The following DPYSL3 variants were observed in gnomAD, a reference collection of about 807,000 sequenced individuals.
DPYSL3 encodes the protein dihydropyrimidinase like 3.
Under a neutral mutation model 66.1 loss-of-function variants are expected in DPYSL3, and 16 were observed. The observed-to-expected ratio is 0.24, with a 90% confidence interval of 0.16 to 0.37. The LOEUF is 0.37. Among genes scored for constraint, DPYSL3 ranks in the 10% least tolerant of loss-of-function variants. DPYSL3 has a pLI of 1.00. For missense variants in DPYSL3, 738 were observed against 916.2 expected, an observed-to-expected ratio of 0.81 and a Z score of 2.51; for synonymous variants, 338 against 345.1, an observed-to-expected ratio of 0.98 and a Z score of 0.23.
chr5:147,394,129 G>A lies in DPYSL3; in HGVS notation c.1967-6C>T. 1 of 1,613,464 alleles carries A rather than the reference G, an allele frequency of 6.2e-7. No individual in the cohort carries two copies. The highest frequency in any genetic ancestry group is 8.5e-7 in the Non-Finnish European group (1 of 1,179,850). On this transcript the variant is annotated splice_polypyrimidine_tract_variant and splice_region_variant and intron_variant, in intron 13 of 13. Transcript: ENST00000343218. ...CCCCTCATCCACTTGGGTGCCTACA[G>A]TTGGAAATAAATTCCCAGGGGGAAA...
intron 1 of DPYSL3, chr5:147,453,404 C>T (rs943096739): frequency 7.8e-7 from 1 of 1,276,508 alleles, no homozygotes; most frequent in Non-Finnish European, 1.0e-6. Context: ...GGACTGACCG[C>T]CGCGCTCCGC....
At chr5:147,474,048 A>G (rs2126426677) in intron 1 of DPYSL3, among the ~76,000 whole-genome samples, 1 of 152,222 alleles carries the variant, frequency 6.6e-6, no homozygotes, top group African/African-American at 2.4e-5. Flanking sequence ...CTGGCTACAT[A>G]AAATACTTGC....
chr5:147,432,306 G>C (rs915491853), intron 1 of DPYSL3, among the ~76,000 whole-genome samples: 1 of 152,226 alleles, frequency 6.6e-6, no homozygotes, highest in Admixed American at 6.5e-5. Flanking sequence ...ACAGCAATGT[G>C]GAGGCAGCAG....
intron 1 of DPYSL3, among the ~76,000 whole-genome samples, chr5:147,503,675 T>C (rs1201034057): frequency 6.6e-6 from 1 of 152,206 alleles, no homozygotes; most frequent in Non-Finnish European, 1.5e-5. Flanking sequence ...ACACAAGGAA[T>C]ATGGAGCATG....
At chr5:147,478,414 A>G (rs1458356176) in intron 1 of DPYSL3, among the ~76,000 whole-genome samples, 1 of 152,214 alleles carries the variant, frequency 6.6e-6, no homozygotes, top group African/African-American at 2.4e-5. Flanking sequence ...ACACATCATA[A>G]CATCTAAGAA....
chr5:147,453,442 C>A, intron 1 of DPYSL3: 1 of 1,398,184 alleles, frequency 7.2e-7, no homozygotes, highest in Non-Finnish European at 9.3e-7. Context: ...TCCGTCCCTC[C>A]CCGGGGACCA....
At chr5:147,500,107 G>C (rs1027851097) in intron 1 of DPYSL3, among the ~76,000 whole-genome samples, 2 of 152,126 alleles carry the variant, frequency 1.3e-5, no homozygotes, top group African/African-American at 4.8e-5. Context: ...AGATGACCTT[G>C]GGTATAGTGA....
In DPYSL3 at chr5:147,470,906, C is replaced by T. The variant is rs1753076626; in HGVS notation, c.381+38572G>A. ...CTCAGAGCCCCTGCTGACCTCGGTC[C>T]TCCACCTATAAAGTATGTTATAATG... On this transcript the variant is annotated intron_variant, in intron 1 of 13. Transcript: ENST00000343218. Among the ~76,000 whole-genome samples, 2 of 152,138 alleles carry T rather than the reference C, an allele frequency of 1.3e-5. 1 individual carries two copies. The highest frequency in any genetic ancestry group is 4.1e-4 in the South Asian group (2 of 4,828).
chr5:147,412,518 A>C, intron 6 of DPYSL3, 90 bp downstream of exon 6: 1 of 1,294,174 alleles, frequency 7.7e-7, no homozygotes, highest in South Asian at 1.3e-5. Flanking sequence ...GGTGCCTTGC[A>C]CATATTGAGA....
intron 7 of DPYSL3, 131 bp downstream of exon 7, chr5:147,408,597 G>T: frequency 1.1e-6 from 1 of 913,832 alleles, no homozygotes; most frequent in Admixed American, 2.3e-5. Flanking sequence ...ACGGGCTCCT[G>T]AGTTAGAGTC....
chr5:147,492,519 C>G (rs1410777475), intron 1 of DPYSL3, among the ~76,000 whole-genome samples: 1 of 151,894 alleles, frequency 6.6e-6, no homozygotes, highest in East Asian at 1.9e-4. Context: ...AGTGATGATA[C>G]AAGAGATAGG....
chr5:147,426,071 T>C (rs911744801), intron 1 of DPYSL3, among the ~76,000 whole-genome samples: 5 of 152,142 alleles, frequency 3.3e-5, no homozygotes, highest in Admixed American at 2.6e-4. Flanking sequence ...TCCCAGGTCA[T>C]TGATTTTATG....
intron 1 of DPYSL3, among the ~76,000 whole-genome samples, chr5:147,457,083 G>T (rs1361230186): frequency 2.0e-5 from 3 of 151,822 alleles, no homozygotes; most frequent in Non-Finnish European, 4.4e-5. Flanking sequence ...TATTTACCTT[G>T]TGCTTACTAT....
intron 1 of DPYSL3, among the ~76,000 whole-genome samples, chr5:147,502,672 G>A (rs1753629582): frequency 6.7e-6 from 1 of 149,316 alleles, no homozygotes; most frequent in African/African-American, 2.5e-5. Context: ...CGCCTCCCGG[G>A]TTCCCGCCAT....
intron 1 of DPYSL3, among the ~76,000 whole-genome samples, chr5:147,494,245 A>G (rs996498546): frequency 1.3e-5 from 2 of 152,234 alleles, no homozygotes; most frequent in Non-Finnish European, 2.9e-5. Flanking sequence ...CATTGAATAC[A>G]TGTATTAAAA....
intron 13 of DPYSL3, among the ~76,000 whole-genome samples, chr5:147,395,304 C>A (rs553673779): frequency 6.6e-6 from 1 of 152,330 alleles, no homozygotes; most frequent in East Asian, 1.9e-4. Context: ...CCAACCAGGG[C>A]TGATCTCTAG....
At chr5:147,476,076 G>A (rs941590173) in intron 1 of DPYSL3, among the ~76,000 whole-genome samples, 4 of 152,086 alleles carry the variant, frequency 2.6e-5, no homozygotes, top group Admixed American at 6.5e-5. Context: ...TAATGATTAT[G>A]TAACTTGATC....
At chr5:147,476,566 C>T (rs896529292) in intron 1 of DPYSL3, among the ~76,000 whole-genome samples, 1 of 152,116 alleles carries the variant, frequency 6.6e-6, no homozygotes, top group Non-Finnish European at 1.5e-5. Context: ...AGATGAACCC[C>T]TTTGGTCCAT....
intron 1 of DPYSL3, among the ~76,000 whole-genome samples, chr5:147,446,967 T>C (rs1454387546): frequency 6.6e-6 from 1 of 152,224 alleles, no homozygotes; most frequent in Non-Finnish European, 1.5e-5. Flanking sequence ...GAACTACTGC[T>C]TTCTTGCCTA....
Sources: gnomAD v4.1 joint callset for allele counts (sites outside exome capture counted in the v4.1 genomes callset) on GRCh38, gnomAD v4.1.1 for gene constraint, MANE v1.5 for transcripts, NCBI Gene and HGNC (gene_info 2026-07-23, HGNC 2026-07-21) for gene names.